The following SMOC1 variants were observed in gnomAD, a reference collection of about 807,000 sequenced individuals.
The protein encoded by SMOC1 is SPARC related modular calcium binding 1.
A neutral mutation model predicts 56.3 loss-of-function variants in SMOC1; 22 were observed. That is an observed-to-expected ratio of 0.39 (90% CI 0.28 to 0.56). The LOEUF is 0.56. SMOC1 is among the 20% of genes least tolerant of loss of function. The pLI, the probability that SMOC1 is intolerant of heterozygous loss-of-function variation, is 0.61. For synonymous variants in SMOC1, 193 were observed against 215.0 expected (o/e 0.90, Z 0.89); for missense variants, 509 against 565.4 (o/e 0.90, Z 1.01).
chr14:69,922,940 TG>T (rs200428096), intron 1 of SMOC1, among the ~76,000 whole-genome samples: 71 of 149,704 alleles, frequency 4.7e-4, no homozygotes, highest in Non-Finnish European at 6.4e-4. Context: ...CTCTTTTTTT[TG>T]TTTTTTTTGT....
At chr14:69,919,912 C>CT (rs199923475) in intron 1 of SMOC1, among the ~76,000 whole-genome samples, 3 of 64,330 alleles carry the variant, frequency 4.7e-5, no homozygotes, top group African/African-American at 1.4e-4. Context: ...ACACAAATAC[C>CT]CCCCCCCCCC....
rs144389850 is a variant in SMOC1, at chr14:70,009,626, G to C, written c.665-1128G>C. On this transcript the variant is annotated intron_variant, in intron 7 of 11. Transcript: ENST00000361956. Reference sequence around the variant, plus strand: ...TCTTCAAGAGAAGAGTTGTAGAATAGTGGTATGAAAAAAATATAGTAGGTA... The same window carrying C: ...TCTTCAAGAGAAGAGTTGTAGAATACTGGTATGAAAAAAATATAGTAGGTA... Among the ~76,000 whole-genome samples, 587 of 152,268 alleles carry C rather than the reference G, an allele frequency of 3.9e-3. 4 individuals are homozygous for C. Among genetic ancestry groups the C allele is most frequent in the African/African-American group, 0.013 (560 of 41,518 alleles).
chr14:69,972,209 G>A (rs1566693991), intron 3 of SMOC1, among the ~76,000 whole-genome samples: 1 of 152,084 alleles, frequency 6.6e-6, no homozygotes, highest in Non-Finnish European at 1.5e-5. Context: ...TGGAAGGCCG[G>A]CTGCAGACTG....
chr14:69,928,528 G>C (rs1331228451), intron 1 of SMOC1, among the ~76,000 whole-genome samples: 2 of 152,138 alleles, frequency 1.3e-5, no homozygotes, highest in East Asian at 3.9e-4. Flanking sequence ...ACTCCAGCGA[G>C]GTTCCAGCTC....
Position 69,879,505 on chromosome 14 carries a change from G to A in SMOC1, c.-174G>A. ...GCTCGCGCTCCAGCTCCCCTCCTGC[G>A]CGGTTCATGACTGTGTCCCCTGACC... On this transcript the variant is annotated 5_prime_UTR_variant, in exon 1 of 12. Coordinates refer to ENST00000361956, the MANE Select transcript of SMOC1 (RefSeq NM_001034852.3). 2.3e-6 allele frequency: 1 copy of A among 443,160 alleles called. No individual in the cohort carries two copies. Among genetic ancestry groups the A allele is most frequent in the East Asian group, 3.9e-5 (1 of 25,450 alleles). 27.5% of individuals were successfully genotyped at this position (443,160 alleles called of 1,614,324 possible).
chr14:70,018,854 G>C (rs1885612120), intron 10 of SMOC1, among the ~76,000 whole-genome samples: 1 of 152,256 alleles, frequency 6.6e-6, no homozygotes, highest in Non-Finnish European at 1.5e-5. Flanking sequence ...AGGCTGGAAT[G>C]TGGCTGACTT....
At chr14:69,929,988 A>C (rs562871030) in intron 1 of SMOC1, among the ~76,000 whole-genome samples, 52 of 152,176 alleles carry the variant, frequency 3.4e-4, no homozygotes, top group Non-Finnish European at 6.8e-4. Context: ...GTTCGGCCCC[A>C]CATCTGTGGT....
intron 1 of SMOC1, among the ~76,000 whole-genome samples, chr14:69,950,851 C>T (rs914465198): frequency 1.3e-5 from 2 of 152,148 alleles, no homozygotes; most frequent in African/African-American, 2.4e-5. Flanking sequence ...TTGATCTGGT[C>T]GATTGTTGTG....
intron 1 of SMOC1, among the ~76,000 whole-genome samples, chr14:69,948,273 C>T (rs1882866039): frequency 6.6e-6 from 1 of 152,202 alleles, no homozygotes; most frequent in Non-Finnish European, 1.5e-5. Flanking sequence ...GTTCCTAAAA[C>T]AGATGAAAAT....
intron 6 of SMOC1, 37 bp downstream of exon 6, chr14:69,992,510 A>G: frequency 6.7e-7 from 1 of 1,482,156 alleles, no homozygotes; most frequent in Non-Finnish European, 9.4e-7. Flanking sequence ...TCATTCTCCC[A>G]CTCATTTTCA....
chr14:69,966,067 C>T (rs1407525760), intron 3 of SMOC1, among the ~76,000 whole-genome samples: 2 of 152,130 alleles, frequency 1.3e-5, no homozygotes, highest in African/African-American at 4.8e-5. Flanking sequence ...AGGCTCCACT[C>T]CTGCAGGCCA....
chr14:69,969,088 A>G (rs1198642554), intron 3 of SMOC1, among the ~76,000 whole-genome samples: 1 of 152,232 alleles, frequency 6.6e-6, no homozygotes, highest in Non-Finnish European at 1.5e-5. Flanking sequence ...AGAGCCTGAT[A>G]TCTAGACTGC....
At chr14:69,958,609 G>C (rs1883268366) in intron 3 of SMOC1, among the ~76,000 whole-genome samples, 1 of 152,178 alleles carries the variant, frequency 6.6e-6, no homozygotes, top group South Asian at 2.1e-4. Context: ...AATTGGCACT[G>C]ACTTTTTAGT....
chr14:69,971,172 C>A (rs1324352260), intron 3 of SMOC1, among the ~76,000 whole-genome samples: 1 of 152,202 alleles, frequency 6.6e-6, no homozygotes, highest in Non-Finnish European at 1.5e-5. Context: ...GCATCTGCCA[C>A]CACGCCTACT....
chr14:69,992,901 C>T (rs1884615673), intron 6 of SMOC1, among the ~76,000 whole-genome samples: 1 of 152,134 alleles, frequency 6.6e-6, no homozygotes, highest in Admixed American at 6.6e-5. Context: ...GAGATGTAAA[C>T]CTTTGCTCTC....
chr14:70,010,300 TG>T (rs1330188312), intron 7 of SMOC1, among the ~76,000 whole-genome samples: 1 of 152,184 alleles, frequency 6.6e-6, no homozygotes, highest in Non-Finnish European at 1.5e-5. Flanking sequence ...ATGCTGTGTC[TG>T]GGCGTGGAAG....
At chr14:69,957,034 A>G (rs1380431) in intron 3 of SMOC1, among the ~76,000 whole-genome samples, 1 of 152,086 alleles carries the variant, frequency 6.6e-6, no homozygotes, top group South Asian at 2.1e-4. Flanking sequence ...CTTTGGTGAC[A>G]TGTTGAATAA....
At chr14:69,928,165 A>T (rs1426157507) in intron 1 of SMOC1, among the ~76,000 whole-genome samples, 1 of 152,230 alleles carries the variant, frequency 6.6e-6, no homozygotes, top group African/African-American at 2.4e-5. Context: ...CTGAATCTTC[A>T]GGCTGGCACC....
At chr14:69,979,671 C>T (rs1456945349) in intron 5 of SMOC1, among the ~76,000 whole-genome samples, 2 of 151,928 alleles carry the variant, frequency 1.3e-5, no homozygotes, top group African/African-American at 4.8e-5. Flanking sequence ...CACTATGTTG[C>T]CTAGGCTTGC....
Sources: gnomAD v4.1 joint callset for allele counts (sites outside exome capture counted in the v4.1 genomes callset) on GRCh38, gnomAD v4.1.1 for gene constraint, MANE v1.5 for transcripts, NCBI Gene and HGNC (gene_info 2026-07-23, HGNC 2026-07-21) for gene names.